Variants in TAMM41 observed in about 807,000 individuals in gnomAD.
The protein encoded by TAMM41 is TAM41 mitochondrial translocator assembly and maintenance homolog.
Under a neutral mutation model 44.1 loss-of-function variants are expected in TAMM41, and 36 were observed. That is an observed-to-expected ratio of 0.82 (90% CI 0.63 to 1.08). TAMM41 has a LOEUF of 1.08. Among genes scored for constraint, TAMM41 ranks in the 50% least tolerant of loss-of-function variants. The pLI is 0.00. For synonymous variants in TAMM41, 164 were observed against 153.1 expected, an observed-to-expected ratio of 1.07 and a Z score of -0.53; for missense variants, 417 against 404.3, an observed-to-expected ratio of 1.03 and a Z score of -0.27.
the TAMM41 span, among the ~76,000 whole-genome samples, chr3:11,746,042 T>A: frequency 6.6e-6 from 1 of 152,216 alleles, no homozygotes; most frequent in African/African-American, 2.4e-5. Context: ...CGCTCACGCC[T>A]GTAATCCAAG....
chr3:11,844,183 A>T lies in TAMM41; in HGVS notation c.164T>A (p.Val55Glu). The T allele has an allele frequency of 6.2e-7, 1 of 1,614,182 alleles. No homozygotes were observed. Among genetic ancestry groups the T allele is most frequent in the Non-Finnish European group, 8.5e-7 (1 of 1,180,030 alleles). ...TGAATGCCATGCGACAGGGTCATCTACTGTGAACACAAAGTCCAGCATAGC... is the reference window on the plus strand; with the variant it reads ...TGAATGCCATGCGACAGGGTCATCTTCTGTGAACACAAAGTCCAGCATAGC... ...KNAMLDFVFT[V>E]DDPVAWHSKN... is the part of the protein sequence containing the mutation. Residue 55 changes from valine (V) to glutamate (E), a missense_variant, in exon 2 of 8, where the codon GTA becomes GAA. Coordinates refer to ENST00000455809, the MANE Select transcript of TAMM41 (RefSeq NM_001284401.2).
chr3:11,838,449 C>T (rs1242099288), intron 3 of TAMM41, among the ~76,000 whole-genome samples: 1 of 152,158 alleles, frequency 6.6e-6, no homozygotes, highest in Non-Finnish European at 1.5e-5. Context: ...AACTCCTGAC[C>T]TCAAATGATC....
At chr3:11,793,048 A>C in intron 7 of TAMM41, among the ~76,000 whole-genome samples, 1 of 123,250 alleles carries the variant, frequency 8.1e-6, no homozygotes. Context: ...CCACAGAGCA[A>C]GGCCCCATCT....
chr3:11,755,536 T>G, the TAMM41 span, among the ~76,000 whole-genome samples: 14,330 of 152,130 alleles, frequency 0.094, 1,655 homozygotes, highest in African/African-American at 0.27. Context: ...GGGAAAGGAA[T>G]TCACACGAGG....
the TAMM41 span, among the ~76,000 whole-genome samples, chr3:11,754,708 CTTTTTTTTT>C: frequency 9.7e-6 from 1 of 103,562 alleles, no homozygotes; most frequent in Non-Finnish European, 1.9e-5. Context: ...TCTCAGATCT[CTTTTTTTTT>C]TTTTTTTTTT....
chr3:11,763,014 G>A, the TAMM41 span, among the ~76,000 whole-genome samples: 2 of 152,106 alleles, frequency 1.3e-5, no homozygotes, highest in Non-Finnish European at 2.9e-5. Context: ...CTCTAGCCGG[G>A]GCAACAAGAG....
At chr3:11,836,015 GGTCTCGCTGC>G (rs2125049123) in intron 3 of TAMM41, among the ~76,000 whole-genome samples, 1 of 148,900 alleles carries the variant, frequency 6.7e-6, no homozygotes, top group South Asian at 2.2e-4. Context: ...TTTGAGACTG[GGTCTCGCTGC>G]GTCACCTAGG....
intron 1 of TAMM41, among the ~76,000 whole-genome samples, chr3:11,845,459 G>A (rs955720222): frequency 2.0e-5 from 3 of 152,122 alleles, no homozygotes; most frequent in East Asian, 1.9e-4. Context: ...GGAGGCTAAC[G>A]CCTGCTCTGT....
intron 7 of TAMM41, among the ~76,000 whole-genome samples, chr3:11,791,634 G>A (rs187330857): frequency 6.8e-4 from 104 of 152,230 alleles, no homozygotes; most frequent in African/African-American, 2.4e-3. Context: ...AACAGGTTTC[G>A]CTCTGGACAT....
the TAMM41 span, among the ~76,000 whole-genome samples, chr3:11,751,279 A>T: frequency 6.6e-6 from 1 of 151,930 alleles, no homozygotes; most frequent in Admixed American, 6.6e-5. Flanking sequence ...TTCAGTAGAG[A>T]TGGGGTTTCA....
the TAMM41 span, among the ~76,000 whole-genome samples, chr3:11,756,344 T>C: frequency 4.6e-3 from 694 of 152,298 alleles, 3 homozygotes; most frequent in Non-Finnish European, 8.0e-3. Flanking sequence ...GGAACTGATG[T>C]GCTGGCCATG....
At chr3:11,761,479 G>T in the TAMM41 span, among the ~76,000 whole-genome samples, 1 of 152,070 alleles carries the variant, frequency 6.6e-6, no homozygotes, top group Non-Finnish European at 1.5e-5. Flanking sequence ...GAGGAGAAAT[G>T]CAGTTCCAGG....
chr3:11,769,355 ATTTTTTTTTT>A, the TAMM41 span, among the ~76,000 whole-genome samples: 2 of 132,904 alleles, frequency 1.5e-5, no homozygotes, highest in South Asian at 2.4e-4. Flanking sequence ...CTCCCAAGAG[ATTTTTTTTTT>A]TTTTTTTTTT....
chr3:11,832,417 A>T (rs2079018163), intron 3 of TAMM41, among the ~76,000 whole-genome samples: 1 of 152,198 alleles, frequency 6.6e-6, no homozygotes, highest in African/African-American at 2.4e-5. Context: ...TCCAGAGATG[A>T]TCTAAAATAT....
At chr3:11,746,301 C>CAAAAA in the TAMM41 span, among the ~76,000 whole-genome samples, 1 of 115,866 alleles carries the variant, frequency 8.6e-6, no homozygotes, top group Non-Finnish European at 1.8e-5. Flanking sequence ...GAGACTCTCT[C>CAAAAA]AAAAAAAAAA....
intron 1 of TAMM41, chr3:11,844,816 A>G: frequency 7.1e-6 from 3 of 422,182 alleles, no homozygotes; most frequent in South Asian, 5.2e-5. Flanking sequence ...AGAAGTATAG[A>G]GCTCAGAGTC....
At chr3:11,757,744 G>A in the TAMM41 span, among the ~76,000 whole-genome samples, 1 of 152,334 alleles carries the variant, frequency 6.6e-6, no homozygotes, top group South Asian at 2.1e-4. Context: ...AAGCAATTCT[G>A]TGTCACTTCC....
the TAMM41 span, among the ~76,000 whole-genome samples, chr3:11,752,625 C>CTTTTTTTTTTTTTTTTTTTTTT: frequency 9.3e-4 from 37 of 39,954 alleles, 8 homozygotes; most frequent in African/African-American, 1.2e-3. Context: ...TCTTACAAAG[C>CTTTTTTTTTTTTTTTTTTTTTT]TTTTTTTTTT....
At chr3:11,781,789 A>C in the TAMM41 span, among the ~76,000 whole-genome samples, 1 of 145,166 alleles carries the variant, frequency 6.9e-6, no homozygotes, top group Non-Finnish European at 1.5e-5. Flanking sequence ...AATCATACAA[A>C]TAAGAGACCC....
Sources: allele counts gnomAD v4.1 joint callset (sites outside exome capture counted in the v4.1 genomes callset), GRCh38; gene constraint gnomAD v4.1.1; transcripts MANE v1.5; gene names NCBI Gene and HGNC (gene_info 2026-07-23, HGNC 2026-07-21).